The following ATL2 variants were observed in gnomAD, a reference collection of about 807,000 sequenced individuals.
ATL2 encodes the protein atlastin GTPase 2.
Under a neutral mutation model 73.9 loss-of-function variants are expected in ATL2, and 31 were observed. The ratio of observed to expected loss-of-function variants is 0.42; its 90% CI spans 0.32 to 0.57. The LOEUF is 0.57. Among genes scored for constraint, ATL2 ranks in the 20% least tolerant of loss-of-function variants. The probability of loss-of-function intolerance (pLI) is 0.14; values close to 1 mark genes in which losing one functional copy is unlikely to be tolerated. For missense variants in ATL2, 738 were observed against 702.6 expected (o/e 1.05, Z -0.57); for synonymous variants, 291 against 237.5 (o/e 1.23, Z -2.07).
chr2:38,319,048 A>T (rs1278573456), intron 2 of ATL2, 29 bp from the exon 3 acceptor site: 14 of 1,596,798 alleles, frequency 8.8e-6, no homozygotes, highest in Non-Finnish European at 1.2e-5. Flanking sequence ...AATGTAAAAT[A>T]CAACACAATT....
chr2:38,310,164 A>G, intron 8 of ATL2, 145 bp downstream of exon 8: 1 of 893,358 alleles, frequency 1.1e-6, no homozygotes, highest in Non-Finnish European at 1.7e-6. Context: ...GAGAAACAAC[A>G]CAGAGCATTA....
intron 2 of ATL2, among the ~76,000 whole-genome samples, chr2:38,322,970 T>C (rs572294721): frequency 4.6e-5 from 7 of 152,320 alleles, no homozygotes; most frequent in South Asian, 4.1e-4. Context: ...TTCTCTAACA[T>C]AGTGAACACT....
rs565086074 is a variant in ATL2, at chr2:38,369,180, T to G, written c.118+7963A>C. 2.0e-5 allele frequency among the ~76,000 whole-genome samples: 3 copies of G among 152,272 alleles called. No homozygotes were observed. In the East Asian group the frequency reaches 5.8e-4, roughly 30 times the overall value. Reference sequence around the variant, plus strand: ...AATGTACATGTCAGGCCAGGTGCAGTGCCTCACACCTGTAATCCCAGCACT... The same window carrying G: ...AATGTACATGTCAGGCCAGGTGCAGGGCCTCACACCTGTAATCCCAGCACT... On this transcript the variant is annotated intron_variant, in intron 1 of 12. Transcript: ENST00000378954.
chr2:38,331,335 C>T (rs927766513), intron 2 of ATL2, among the ~76,000 whole-genome samples: 6 of 149,994 alleles, frequency 4.0e-5, no homozygotes, highest in Non-Finnish European at 7.4e-5. Flanking sequence ...ACTCAGGAGG[C>T]GGAGGCAGGA....
At chr2:38,337,148 A>G (rs77317668) in intron 2 of ATL2, among the ~76,000 whole-genome samples, 1,835 of 152,004 alleles carry the variant, frequency 0.012, 44 homozygotes, top group African/African-American at 0.042. Context: ...AAGACAACCA[A>G]TCACAATGTG....
chr2:38,345,340 A>G (rs1214116696), intron 1 of ATL2, among the ~76,000 whole-genome samples: 1 of 152,238 alleles, frequency 6.6e-6, no homozygotes, highest in Non-Finnish European at 1.5e-5. Context: ...CAATATTCAC[A>G]GAGCAAAGAT....
chr2:38,302,913 C>T (rs115939522), intron 9 of ATL2, among the ~76,000 whole-genome samples: 4 of 152,272 alleles, frequency 2.6e-5, no homozygotes, highest in South Asian at 2.1e-4. Context: ...AATGTCCAGA[C>T]ACCAACAAAT....
chr2:38,296,906 G>T (rs1666925571), intron 12 of ATL2, among the ~76,000 whole-genome samples: 1 of 152,136 alleles, frequency 6.6e-6, no homozygotes, highest in Non-Finnish European at 1.5e-5. Flanking sequence ...TTTCTCAAAA[G>T]AAGATATTGT....
intron 9 of ATL2, among the ~76,000 whole-genome samples, chr2:38,309,029 T>C (rs1415234740): frequency 6.6e-6 from 1 of 152,014 alleles, no homozygotes; most frequent in East Asian, 1.9e-4. Context: ...TGAGGGAGTG[T>C]TTTTGTGAGA....
At chr2:38,304,552 A>G (rs1667349994) in intron 9 of ATL2, among the ~76,000 whole-genome samples, 1 of 152,246 alleles carries the variant, frequency 6.6e-6, no homozygotes, top group Non-Finnish European at 1.5e-5. Context: ...AGAAAGACTA[A>G]AAGACGAACC....
At chr2:38,326,246 A>C (rs568503624) in intron 2 of ATL2, among the ~76,000 whole-genome samples, 1 of 152,370 alleles carries the variant, frequency 6.6e-6, no homozygotes, top group Non-Finnish European at 1.5e-5. Flanking sequence ...GAAACCCCAA[A>C]GACAGTGAGA....
intron 1 of ATL2, among the ~76,000 whole-genome samples, chr2:38,345,206 G>T (rs772389468): frequency 3.9e-5 from 6 of 152,082 alleles, no homozygotes; most frequent in Non-Finnish European, 8.8e-5. Context: ...TCCACTCTAA[G>T]GACACATACG....
chr2:38,306,198 A>C (rs1195413754), intron 9 of ATL2, among the ~76,000 whole-genome samples: 1 of 152,254 alleles, frequency 6.6e-6, no homozygotes, highest in East Asian at 1.9e-4. Context: ...ATCCATGAAT[A>C]AATCTAAAAC....
At chr2:38,364,134 T>A (rs1030508545) in intron 1 of ATL2, among the ~76,000 whole-genome samples, 1 of 152,126 alleles carries the variant, frequency 6.6e-6, no homozygotes, top group Non-Finnish European at 1.5e-5. Context: ...TGGTGGCGGA[T>A]GCCTGTAATA....
intron 1 of ATL2, 124 bp downstream of exon 1, chr2:38,377,019 G>T: frequency 1.4e-6 from 1 of 721,908 alleles, no homozygotes; most frequent in Non-Finnish European, 2.1e-6. Context: ...AGGCGCGGCG[G>T]CGGGAGGAGA....
chr2:38,294,248 G>T lies in ATL2; in HGVS notation c.*1746C>A, dbSNP rs183575571. Among the ~76,000 whole-genome samples, 1 of 152,172 alleles carries T rather than the reference G, an allele frequency of 6.6e-6. No individual in the cohort carries two copies. On this transcript the variant is annotated 3_prime_UTR_variant, in exon 13 of 13. Transcript: ENST00000378954. ...GCAACTCAACACCTGCATTCTCTTC[G>T]CTTAAAAAGCAAACTAAGGGCCGGG...
intron 10 of ATL2, among the ~76,000 whole-genome samples, chr2:38,299,555 T>C (rs925491780): frequency 6.6e-6 from 1 of 152,166 alleles, no homozygotes; most frequent in African/African-American, 2.4e-5. Flanking sequence ...GATGTTAAAG[T>C]GTGTCTGCAG....
intron 2 of ATL2, among the ~76,000 whole-genome samples, chr2:38,342,702 T>C (rs1669793743): frequency 6.6e-6 from 1 of 151,964 alleles, no homozygotes; most frequent in East Asian, 1.9e-4. Context: ...TGTGAAGAAG[T>C]AACAAAAAGG....
At chr2:38,344,662 A>G (rs532490124) in intron 1 of ATL2, among the ~76,000 whole-genome samples, 2 of 152,250 alleles carry the variant, frequency 1.3e-5, no homozygotes, top group South Asian at 4.1e-4. Flanking sequence ...TGAAACTTAA[A>G]GGGGAAAATT....
Sources: allele counts gnomAD v4.1 joint callset (sites outside exome capture counted in the v4.1 genomes callset), GRCh38; gene constraint gnomAD v4.1.1; transcripts MANE v1.5; gene names NCBI Gene and HGNC (gene_info 2026-07-23, HGNC 2026-07-21).